The following RIMS2 variants were observed in gnomAD, a reference collection of about 807,000 sequenced individuals.
The protein encoded by RIMS2 is regulating synaptic membrane exocytosis protein 2.
RIMS2 carries 59 observed loss-of-function variants against 174.4 expected under a neutral mutation model. The ratio of observed to expected loss-of-function variants is 0.34; its 90% confidence interval spans 0.27 to 0.42. The LOEUF (loss-of-function observed/expected upper bound fraction) is 0.42, where lower values mean the gene tolerates loss of function less well. RIMS2 is among the 10% of genes least tolerant of loss of function. The pLI, the probability that RIMS2 is intolerant of heterozygous loss-of-function variation, is 1.00. For synonymous variants in RIMS2, 606 were observed against 572.5 expected (o/e 1.06, Z -0.84); for missense variants, 1,620 against 1,666.3 (o/e 0.97, Z 0.48).
chr8:104,117,367 T>C (rs527789693), intron 19 of RIMS2, among the ~76,000 whole-genome samples: 1 of 152,190 alleles, frequency 6.6e-6, no homozygotes, highest in South Asian at 2.1e-4. Context: ...TATATAAGAA[T>C]ATATACCTTT....
chr8:103,575,691 T>TATATAC (rs2093176319), intron 1 of RIMS2, among the ~76,000 whole-genome samples: 1 of 149,020 alleles, frequency 6.7e-6, no homozygotes, highest in African/African-American at 2.5e-5. Context: ...CACACATATA[T>TATATAC]ATATATATAC....
chr8:103,809,817 G>A (rs1296201009), intron 3 of RIMS2, among the ~76,000 whole-genome samples: 1 of 152,090 alleles, frequency 6.6e-6, no homozygotes, highest in African/African-American at 2.4e-5. Flanking sequence ...TGAAATGCCT[G>A]GGTACTTGCG....
intron 14 of RIMS2, among the ~76,000 whole-genome samples, chr8:103,944,483 T>G (rs547302869): frequency 4.6e-5 from 7 of 152,136 alleles, no homozygotes; most frequent in Non-Finnish European, 8.8e-5. Context: ...GGGACTGGCC[T>G]TCAGTTTTTA....
intron 1 of RIMS2, among the ~76,000 whole-genome samples, chr8:103,617,561 A>G (rs1249749130): frequency 6.6e-6 from 1 of 152,222 alleles, no homozygotes; most frequent in East Asian, 1.9e-4. Context: ...CTATCAACAG[A>G]GTAAACAGAC....
rs553100192 is a variant in RIMS2 at position 103,590,925 on chromosome 8, C to T, written c.176+89863C>T. ...ATACCTGTAAGTGAAATTGCTGGAT[C>T]GTAGGGCAGGTTTATGTTTATTTTT... On this transcript the variant is annotated intron_variant, in intron 1 of 23. Coordinates refer to ENST00000504942, the Ensembl canonical transcript of RIMS2. 4.0e-5 allele frequency among the ~76,000 whole-genome samples: 6 copies of T among 150,908 alleles called. No homozygotes were observed. In the East Asian group the frequency reaches 5.8e-4, roughly 15 times the overall value.
chr8:103,605,412 T>C (rs1195296720), intron 1 of RIMS2, among the ~76,000 whole-genome samples: 9 of 144,070 alleles, frequency 6.2e-5, no homozygotes, highest in Non-Finnish European at 1.2e-4. Flanking sequence ...CAGTATTTTA[T>C]TGAGGATTTT....
At chr8:103,819,922 C>T (rs1045312945) in intron 3 of RIMS2, among the ~76,000 whole-genome samples, 8 of 151,750 alleles carry the variant, frequency 5.3e-5, no homozygotes, top group South Asian at 2.1e-4. Flanking sequence ...TAAAAATGCC[C>T]GATAGATGTT....
At chr8:104,034,626 C>T (rs983182250) in intron 19 of RIMS2, among the ~76,000 whole-genome samples, 20 of 151,726 alleles carry the variant, frequency 1.3e-4, no homozygotes, top group African/African-American at 3.4e-4. Context: ...CCCGCCACCA[C>T]GCCTGGATAA....
Position 104,119,442 on chromosome 8 carries a change from G to A in RIMS2, c.3334+104827G>A, listed in dbSNP as rs571403829. Among the ~76,000 whole-genome samples, 114 of 152,132 alleles carry A rather than the reference G, an allele frequency of 7.5e-4. 1 individual carries two copies. Among genetic ancestry groups the A allele is most frequent in the African/African-American group, 2.7e-3 (112 of 41,516 alleles). The stretch of plus-strand genomic sequence containing the variant: ...CTATAAATCTGGGTTTATATATATG[G>A]CAGTTAAGGAAAAATGCTTAGCAAA... On this transcript the variant is annotated intron_variant, in intron 19 of 23. Coordinates refer to ENST00000504942, the Ensembl canonical transcript of RIMS2.
intron 19 of RIMS2, chr8:104,148,791 G>A: frequency 6.3e-7 from 1 of 1,598,424 alleles, no homozygotes; most frequent in South Asian, 1.1e-5. Context: ...TGCCAAAATG[G>A]TAGCTATCGT....
At chr8:103,557,595 A>C (rs1374387890) in intron 1 of RIMS2, among the ~76,000 whole-genome samples, 1 of 152,192 alleles carries the variant, frequency 6.6e-6, no homozygotes. Context: ...GAATGAAACT[A>C]TCAGATAAAC....
At chr8:103,904,968 C>T (rs1023833642) in intron 4 of RIMS2, among the ~76,000 whole-genome samples, 2 of 151,832 alleles carry the variant, frequency 1.3e-5, no homozygotes, top group African/African-American at 4.8e-5. Context: ...CAACTTATCA[C>T]CTTGTATTGG....
chr8:103,786,976 T>G (rs1271856308), intron 3 of RIMS2, among the ~76,000 whole-genome samples: 5 of 151,400 alleles, frequency 3.3e-5, no homozygotes, highest in African/African-American at 7.3e-5. Flanking sequence ...GCATATATAT[T>G]TAGGATAGTT....
intron 1 of RIMS2, among the ~76,000 whole-genome samples, chr8:103,595,760 A>C (rs762480074): frequency 8.6e-5 from 13 of 151,962 alleles, no homozygotes; most frequent in Non-Finnish European, 1.2e-4. Context: ...TGCTAACCTT[A>C]GTGATTTACC....
chr8:103,811,439 A>AGG (rs2098687161), intron 3 of RIMS2, among the ~76,000 whole-genome samples: 2 of 152,062 alleles, frequency 1.3e-5, no homozygotes, highest in Non-Finnish European at 2.9e-5. Flanking sequence ...ATTTTTATTT[A>AGG]ATTAAATTAA....
chr8:103,780,136 G>A (rs1330767838), intron 3 of RIMS2, among the ~76,000 whole-genome samples: 1 of 151,986 alleles, frequency 6.6e-6, no homozygotes, highest in Non-Finnish European at 1.5e-5. Flanking sequence ...TCCTTTATAT[G>A]TTACTTGCTT....
rs1265341872 is a variant in RIMS2 at position 103,617,287 on chromosome 8, C to T, written c.177-79799C>T. On this transcript the variant is annotated intron_variant, in intron 1 of 23. Transcript: ENST00000504942. ...AAGAATCCCTATTCAATAAATGGTG[C>T]TGGGTTAACTGGCTAGCCATATGCA... is the stretch of plus-strand genomic sequence containing the variant. Among the ~76,000 whole-genome samples the T allele has an allele frequency of 2.0e-5, 3 of 152,154 alleles. No homozygotes were observed. The East Asian group carries it at 5.8e-4, about 29-fold the overall frequency.
At chr8:104,065,630 G>A (rs1365500739) in intron 19 of RIMS2, among the ~76,000 whole-genome samples, 1 of 152,092 alleles carries the variant, frequency 6.6e-6, no homozygotes, top group Non-Finnish European at 1.5e-5. Context: ...TTTTTGGGTA[G>A]GGAGACCTGT....
intron 3 of RIMS2, among the ~76,000 whole-genome samples, chr8:103,813,563 C>A (rs113556173): frequency 0.11 from 17,307 of 152,096 alleles, 1,334 homozygotes; most frequent in African/African-American, 0.22. Flanking sequence ...TCTCCCACCC[C>A]ACGACAGGCC....
Sources: allele counts gnomAD v4.1 joint callset (sites outside exome capture counted in the v4.1 genomes callset), GRCh38; gene constraint gnomAD v4.1.1; transcripts MANE v1.5; gene names NCBI Gene and HGNC (gene_info 2026-07-23, HGNC 2026-07-21).